Variants in CCNB3 observed in about 807,000 individuals in gnomAD.
CCNB3 encodes the protein G2/mitotic-specific cyclin-B3.
In CCNB3, 12 loss-of-function variants were observed where a neutral mutation model predicts 68.0. That is an observed-to-expected ratio of 0.18 (90% confidence interval 0.11 to 0.29). CCNB3 has a LOEUF of 0.29. CCNB3 is among the 10% of genes least tolerant of loss of function. The probability of loss-of-function intolerance (pLI) is 1.00; values close to 1 mark genes in which losing one functional copy is unlikely to be tolerated. For missense variants in CCNB3, 904 were observed against 993.1 expected, an observed-to-expected ratio of 0.91 and a Z score of 1.21; for synonymous variants, 354 against 388.9, an observed-to-expected ratio of 0.91 and a Z score of 1.06.
chrX:50,207,844 A>G (rs1332675187), intron 1 of CCNB3, among the ~76,000 whole-genome samples: 1 of 111,451 alleles, frequency 9.0e-6, no homozygotes, highest in Non-Finnish European at 1.9e-5. Flanking sequence ...AACCATTACC[A>G]TAATCAATTT....
intron 8 of CCNB3, among the ~76,000 whole-genome samples, chrX:50,326,958 TGTTCTATA>T (rs1344755333): frequency 8.9e-6 from 1 of 112,469 alleles, no homozygotes. Flanking sequence ...ACTCTTTATA[TGTTCTATA>T]GTTTTGATTT....
intron 11 of CCNB3, among the ~76,000 whole-genome samples, chrX:50,350,092 TC>T (rs1435834285): frequency 2.0e-4 from 22 of 111,071 alleles, no homozygotes; most frequent in African/African-American, 7.2e-4. Context: ...CACATCTGTC[TC>T]CTCTACTAGA....
chrX:50,225,827 G>C, intron 1 of CCNB3, among the ~76,000 whole-genome samples: 1 of 106,404 alleles, frequency 9.4e-6, no homozygotes, highest in African/African-American at 3.4e-5. Context: ...TGCTGAATTT[G>C]AGGTGTCTAT....
chrX:50,279,163 CTA>C (rs1257697457), intron 1 of CCNB3, among the ~76,000 whole-genome samples: 42 of 2,128 alleles, frequency 0.02, 1 homozygote, highest in South Asian at 0.12. Context: ...TATATATATT[CTA>C]TATATATATG....
chrX:50,208,514 G>A (rs1935414417), intron 1 of CCNB3, among the ~76,000 whole-genome samples: 1 of 111,939 alleles, frequency 8.9e-6, no homozygotes, highest in Non-Finnish European at 1.9e-5. Context: ...GTAGTTCTCA[G>A]TGTACAAGAC....
At chrX:50,345,890 T>C (rs1389631663) in intron 9 of CCNB3, among the ~76,000 whole-genome samples, 1 of 112,058 alleles carries the variant, frequency 8.9e-6, no homozygotes, top group East Asian at 2.8e-4. Context: ...CTGTCTGTCA[T>C]CCAAAAATAG....
intron 1 of CCNB3, among the ~76,000 whole-genome samples, chrX:50,218,546 C>T (rs1219063763): frequency 1.8e-5 from 2 of 111,619 alleles, no homozygotes; most frequent in African/African-American, 3.3e-5. Context: ...GTTTGCTGTT[C>T]CTGTGTTAGT....
intron 8 of CCNB3, among the ~76,000 whole-genome samples, chrX:50,319,561 C>T (rs182891612): frequency 2.7e-5 from 3 of 110,541 alleles, no homozygotes; most frequent in East Asian, 5.7e-4. Flanking sequence ...AAATGGGGAC[C>T]GTTTTATTTC....
chrX:50,227,944 A>G lies in CCNB3; in HGVS notation c.-113+22994A>G, dbSNP rs1433580227. Among the ~76,000 whole-genome samples the G allele has an allele frequency of 1.2e-4, 10 of 86,873 alleles. No individual in the cohort carries two copies. In the Admixed American group the frequency reaches 1.2e-3, roughly 11 times the overall value. 75.4% of individuals were successfully genotyped at this position (86,873 alleles called of 115,157 possible). ...ATGTATAGACAGAATATATATAAATATATAGAGAGAATATATATATAAATA... is the reference window on the plus strand; with the variant it reads ...ATGTATAGACAGAATATATATAAATGTATAGAGAGAATATATATATAAATA... On this transcript the variant is annotated intron_variant, in intron 1 of 12. Transcript: ENST00000376042.
intron 11 of CCNB3, among the ~76,000 whole-genome samples, chrX:50,349,970 G>A (rs1418043340): frequency 1.8e-5 from 2 of 111,402 alleles, no homozygotes; most frequent in Non-Finnish European, 3.8e-5. Flanking sequence ...CCTCTGTGAA[G>A]CTTTCTGTGA....
At chrX:50,306,955 T>C (rs984476802) in intron 5 of CCNB3, among the ~76,000 whole-genome samples, 3 of 111,846 alleles carry the variant, frequency 2.7e-5, no homozygotes, top group African/African-American at 9.7e-5. Flanking sequence ...GTTTTCGTTA[T>C]CAGAGTAATA....
chrX:50,228,577 A>ACT (rs1935973653), intron 1 of CCNB3, among the ~76,000 whole-genome samples: 1 of 86,524 alleles, frequency 1.2e-5, no homozygotes, highest in African/African-American at 4.3e-5. Context: ...TAATATATAG[A>ACT]ATATATATAG....
chrX:50,227,732 T>C (rs1935917816), intron 1 of CCNB3, among the ~76,000 whole-genome samples: 1 of 88,045 alleles, frequency 1.1e-5, no homozygotes, highest in African/African-American at 4.2e-5. Context: ...AGAGAGATAA[T>C]ATATATAAAT....
At chrX:50,228,724 TATATAGAATATAGAAAC>T (rs1935986555) in intron 1 of CCNB3, among the ~76,000 whole-genome samples, 1 of 65,742 alleles carries the variant, frequency 1.5e-5, no homozygotes. Context: ...ATAAAGAATA[TATATAGAATATAGAAAC>T]ATATAGAATA....
At chrX:50,311,989 G>A (rs963517714) in intron 6 of CCNB3, among the ~76,000 whole-genome samples, 7 of 110,577 alleles carry the variant, frequency 6.3e-5, no homozygotes, top group Non-Finnish European at 1.1e-4. Flanking sequence ...CTTAGTAATT[G>A]TAATTTGCAT....
intron 1 of CCNB3, among the ~76,000 whole-genome samples, chrX:50,217,621 AG>A (rs1935599935): frequency 1.8e-5 from 2 of 110,461 alleles, no homozygotes; most frequent in Admixed American, 1.9e-4. Flanking sequence ...TTGAATTCTG[AG>A]TTTAGAGCTG....
rs781953756 is a variant in CCNB3 at position 50,312,546 on chromosome X, C to T, written c.3337C>T (p.Arg1113Trp). The stretch of plus-strand genomic sequence containing the variant: ...GGTGATTTCTAAGCAGATAACCCCA[C>T]GGGAAGATATTGATGAGGACAGCAG... ...AKGTPKEITP[R>W]EDIDEDSSDP... The change falls in exon 7 of 13, where the codon CGG (arginine) becomes TGG (tryptophan). Residue 1113 changes from arginine to tryptophan, a missense_variant. This residue lies in a region of CCNB3 where 285 missense variants were observed against 383.4 expected (regional missense o/e 0.74). Transcript: ENST00000376042. 37 of 1,198,955 alleles carry T rather than the reference C, an allele frequency of 3.1e-5. No homozygotes were observed. In the East Asian group the frequency reaches 3.6e-4, roughly 12 times the overall value.
At chrX:50,222,748 G>T (rs1859357617) in intron 1 of CCNB3, among the ~76,000 whole-genome samples, 1 of 110,678 alleles carries the variant, frequency 9.0e-6, no homozygotes, top group African/African-American at 3.3e-5. Context: ...GTGTCTTGGG[G>T]TTGCTCTTCT....
intron 1 of CCNB3, among the ~76,000 whole-genome samples, chrX:50,279,409 T>C (rs1272102420): frequency 2.8e-5 from 2 of 70,957 alleles, no homozygotes; most frequent in East Asian, 3.6e-4. Context: ...CATATAGAAA[T>C]ATATAAATAT....
Sources: gnomAD v4.1 joint callset for allele counts (sites outside exome capture counted in the v4.1 genomes callset) on GRCh38, gnomAD v4.1.1 for gene constraint, gnomAD v4.1.1 regional missense constraint, MANE v1.5 for transcripts, NCBI Gene and HGNC (gene_info 2026-07-23, HGNC 2026-07-21) for gene names.